MYO3B: variants seen among roughly 807,000 people sequenced by gnomAD.
MYO3B encodes myosin-IIIb.
MYO3B carries 156 observed loss-of-function variants against 174.6 expected under a neutral mutation model. The ratio of observed to expected loss-of-function variants is 0.89; its 90% CI spans 0.78 to 1.02. MYO3B has a LOEUF of 1.02. Ranked by LOEUF, MYO3B falls within the 50% of genes least tolerant of loss-of-function variation. The pLI, the probability that MYO3B is intolerant of heterozygous loss-of-function variation, is 0.00. For synonymous variants in MYO3B, 563 were observed against 569.1 expected, an observed-to-expected ratio of 0.99 and a Z score of 0.15; for missense variants, 1,632 against 1,639.4, an observed-to-expected ratio of 1.00 and a Z score of 0.08.
At chr2:170,458,172 C>A (rs958634397) in intron 23 of MYO3B, among the ~76,000 whole-genome samples, 1 of 152,174 alleles carries the variant, frequency 6.6e-6, no homozygotes, top group Non-Finnish European at 1.5e-5. Flanking sequence ...TGATTGGCAG[C>A]GCAGGTTTGT....
intron 23 of MYO3B, among the ~76,000 whole-genome samples, chr2:170,459,319 T>A (rs1684109330): frequency 6.6e-6 from 1 of 152,136 alleles, no homozygotes; most frequent in African/African-American, 2.4e-5. Context: ...GATTGGTCTG[T>A]TTTGACAGGG....
At chr2:170,246,296 T>A (rs2093188492) in intron 7 of MYO3B, among the ~76,000 whole-genome samples, 1 of 152,108 alleles carries the variant, frequency 6.6e-6, no homozygotes, top group Admixed American at 6.5e-5. Flanking sequence ...TTATGAAGAA[T>A]GTAAAAGTAG....
intron 32 of MYO3B, among the ~76,000 whole-genome samples, chr2:170,578,906 G>A (rs1692962163): frequency 6.6e-6 from 1 of 152,160 alleles, no homozygotes; most frequent in African/African-American, 2.4e-5. Context: ...GAATGACTTG[G>A]TACTGAAATT....
At chr2:170,293,553 A>G (rs572910973) in intron 7 of MYO3B, among the ~76,000 whole-genome samples, 6 of 152,152 alleles carry the variant, frequency 3.9e-5, no homozygotes, top group South Asian at 4.1e-4. Context: ...TCTGTCTGCA[A>G]TCTCCGTGGT....
intron 7 of MYO3B, among the ~76,000 whole-genome samples, chr2:170,313,260 A>G (rs1447527800): frequency 6.6e-6 from 1 of 152,218 alleles, no homozygotes; most frequent in Non-Finnish European, 1.5e-5. Flanking sequence ...AATAAGGGTT[A>G]TGACCTTTCC....
At position 170,386,233 on chromosome 2, in the gene MYO3B, C is replaced by T. The variant is rs373290167; in HGVS notation, c.1335C>T (p.Ser445=). Residue 445 remains serine, a synonymous_variant, in exon 13 of 35, where the codon AGC becomes AGT. Coordinates refer to ENST00000408978, the MANE Select transcript of MYO3B (RefSeq NM_138995.5). ...AGAGTGGCTCTGGGAAGACAGAAAG[C>T]GCCCACCTGATTGTTCAGCATTTGA... The part of the protein sequence containing the change: ...SGESGSGKTE[S]AHLIVQHLTF... The T allele has an allele frequency of 9.9e-6, 16 of 1,613,444 alleles. No homozygotes were observed. Among genetic ancestry groups the T allele is most frequent in the East Asian group, 6.7e-5 (3 of 44,860 alleles).
chr2:170,587,600 C>T (rs1466244168), intron 32 of MYO3B, among the ~76,000 whole-genome samples: 1 of 152,118 alleles, frequency 6.6e-6, no homozygotes, highest in Non-Finnish European at 1.5e-5. Flanking sequence ...TAATGAGACT[C>T]ACAAAAATGC....
At chr2:170,414,660 T>C (rs2094566908) in intron 22 of MYO3B, among the ~76,000 whole-genome samples, 1 of 152,218 alleles carries the variant, frequency 6.6e-6, no homozygotes. Context: ...AATCTACAGA[T>C]GAATTTAGGA....
At chr2:170,595,155 C>T (rs556292142) in intron 32 of MYO3B, among the ~76,000 whole-genome samples, 168 of 152,212 alleles carry the variant, frequency 1.1e-3, no homozygotes, top group African/African-American at 3.6e-3. Context: ...AAAATAGGAA[C>T]GGTAACCATC....
chr2:170,523,886 G>C (rs1688833982), intron 30 of MYO3B, among the ~76,000 whole-genome samples: 1 of 152,162 alleles, frequency 6.6e-6, no homozygotes, highest in Non-Finnish European at 1.5e-5. Flanking sequence ...AGAATTTGCA[G>C]TGGTGGTTCT....
chr2:170,587,392 G>A (rs1300415565), intron 32 of MYO3B, among the ~76,000 whole-genome samples: 1 of 152,110 alleles, frequency 6.6e-6, no homozygotes, highest in African/African-American at 2.4e-5. Context: ...AAAACTTATG[G>A]CTAATGTTGC....
Position 170,439,148 on chromosome 2 carries a change from G to A in MYO3B, c.2651-4819G>A, listed in dbSNP as rs530022660. Among the ~76,000 whole-genome samples, 110 of 150,346 alleles carry A rather than the reference G, an allele frequency of 7.3e-4. 1 individual carries two copies. The highest frequency in any genetic ancestry group is 2.6e-3 in the African/African-American group (108 of 41,060). ...AGCACTTTGGGAGGCTGAGGCAGGC[G>A]GATCATGAGGTCAGGAGATTGAGTC... On this transcript the variant is annotated intron_variant, in intron 22 of 34. Transcript: ENST00000408978.
At chr2:170,402,771 C>G (rs1049158130) in intron 18 of MYO3B, 77 bp from the exon 19 acceptor site, 13 of 1,390,566 alleles carry the variant, frequency 9.3e-6, no homozygotes, top group African/African-American at 2.8e-5. Context: ...CTGATAAGCA[C>G]TTGGGCACAT....
chr2:170,646,561 A>G (rs1186210176), intron 32 of MYO3B, among the ~76,000 whole-genome samples: 1 of 151,614 alleles, frequency 6.6e-6, no homozygotes, highest in Non-Finnish European at 1.5e-5. Context: ...TGCCTGGCTA[A>G]TTTTTTGTAT....
intron 30 of MYO3B, among the ~76,000 whole-genome samples, chr2:170,529,678 G>C (rs774259559): frequency 7.9e-5 from 12 of 152,152 alleles, no homozygotes; most frequent in Non-Finnish European, 1.6e-4. Context: ...CTCAGAATGA[G>C]TTTCTGCCCA....
chr2:170,645,079 G>A (rs990756856), intron 32 of MYO3B, among the ~76,000 whole-genome samples: 3 of 152,114 alleles, frequency 2.0e-5, no homozygotes, highest in African/African-American at 7.2e-5. Context: ...GACAAAGTGG[G>A]GAGTTTGGTT....
At chr2:170,234,479 G>A (rs192668321) in intron 6 of MYO3B, among the ~76,000 whole-genome samples, 139 of 152,224 alleles carry the variant, frequency 9.1e-4, no homozygotes, top group Non-Finnish European at 1.7e-3. Flanking sequence ...CTCCCAAAAG[G>A]ATCCACCTTC....
At chr2:170,282,005 C>G (rs924206404) in intron 7 of MYO3B, among the ~76,000 whole-genome samples, 22 of 152,134 alleles carry the variant, frequency 1.4e-4, no homozygotes, top group Non-Finnish European at 2.9e-4. Flanking sequence ...TGGATATTAG[C>G]CCCTTGTCAG....
intron 7 of MYO3B, among the ~76,000 whole-genome samples, chr2:170,237,714 C>T (rs2093087368): frequency 1.3e-5 from 2 of 152,228 alleles, no homozygotes; most frequent in Non-Finnish European, 2.9e-5. Flanking sequence ...TAAGTCTCTA[C>T]TGCCTGCCTC....
Sources: gnomAD v4.1 joint callset for allele counts (sites outside exome capture counted in the v4.1 genomes callset) on GRCh38, gnomAD v4.1.1 for gene constraint, MANE v1.5 for transcripts, NCBI Gene and HGNC (gene_info 2026-07-23, HGNC 2026-07-21) for gene names.